SDCCAG8: variants seen among roughly 807,000 people sequenced by gnomAD.
SDCCAG8 encodes the protein serologically defined colon cancer antigen 8.
In SDCCAG8, 74 loss-of-function variants were observed where a neutral mutation model predicts 101.8. That is an observed-to-expected ratio of 0.73 (90% CI 0.60 to 0.88). SDCCAG8 has a LOEUF of 0.88. Ranked by LOEUF, SDCCAG8 falls within the 40% of genes least tolerant of loss-of-function variation. The pLI is 0.00. For synonymous variants in SDCCAG8, 281 were observed against 292.9 expected (o/e 0.96, Z 0.41); for missense variants, 787 against 822.6 (o/e 0.96, Z 0.53).
chr1:243,303,571 G>A (rs1186634422), intron 6 of SDCCAG8, among the ~76,000 whole-genome samples: 1 of 151,898 alleles, frequency 6.6e-6, no homozygotes, highest in Admixed American at 6.6e-5. Flanking sequence ...GCCTTTATGA[G>A]GACCCGCTTC....
chr1:243,334,180 A>G (rs552020688), intron 10 of SDCCAG8, among the ~76,000 whole-genome samples: 90 of 152,144 alleles, frequency 5.9e-4, no homozygotes, highest in African/African-American at 2.0e-3. Context: ...TACTGCTACC[A>G]TATCTCATCC....
At chr1:243,280,170 A>C (rs2068907809) in intron 4 of SDCCAG8, among the ~76,000 whole-genome samples, 2 of 152,146 alleles carry the variant, frequency 1.3e-5, no homozygotes, top group African/African-American at 4.8e-5. Context: ...CATCTAGGTG[A>C]CTAAATTCAT....
In SDCCAG8 at chr1:243,290,039, C is replaced by T. The variant is rs534834158; in HGVS notation, c.547-3052C>T. 9.8e-4 allele frequency among the ~76,000 whole-genome samples: 149 copies of T among 152,054 alleles called. 2 individuals carry two copies. In the South Asian group the frequency reaches 0.019, roughly 20 times the overall value. ...TCATAAAATATTTCCTCATGGAAAG[C>T]TTTTCTCTAGAGTTCACAAAATCAA... On this transcript the variant is annotated intron_variant, in intron 5 of 17. Transcript: ENST00000366541.
chr1:243,387,709 G>T (rs2078397590), intron 13 of SDCCAG8, among the ~76,000 whole-genome samples: 2 of 152,094 alleles, frequency 1.3e-5, no homozygotes, highest in South Asian at 4.2e-4. Context: ...AACTAGTACA[G>T]TTACTTATTT....
chr1:243,256,320 A>G (rs2066672423), intron 1 of SDCCAG8, 80 bp downstream of exon 1: 1 of 1,158,904 alleles, frequency 8.6e-7, no homozygotes, highest in Non-Finnish European at 1.3e-6. Flanking sequence ...TGCGTTTCCT[A>G]ACACCTGGGT....
At chr1:243,278,012 C>G (rs924019456) in intron 4 of SDCCAG8, among the ~76,000 whole-genome samples, 6 of 152,106 alleles carry the variant, frequency 3.9e-5, no homozygotes, top group African/African-American at 7.2e-5. Flanking sequence ...ACTTTAGAAT[C>G]AGTTTGTCGA....
At chr1:243,329,024 T>C (rs1300156473) in intron 9 of SDCCAG8, among the ~76,000 whole-genome samples, 1 of 152,224 alleles carries the variant, frequency 6.6e-6, no homozygotes, top group African/African-American at 2.4e-5. Flanking sequence ...GGGAGAGTTA[T>C]GAACATTTAC....
At chr1:243,463,032 C>G (rs983409740) in intron 16 of SDCCAG8, among the ~76,000 whole-genome samples, 7 of 152,246 alleles carry the variant, frequency 4.6e-5, no homozygotes, top group African/African-American at 1.7e-4. Context: ...CCTGTGACAT[C>G]TGATCCAGGG....
chr1:243,480,695 G>C (rs1663475565), intron 16 of SDCCAG8, among the ~76,000 whole-genome samples: 10 of 132,304 alleles, frequency 7.6e-5, no homozygotes, highest in Non-Finnish European at 1.5e-4. Flanking sequence ...TGGATGGATG[G>C]GTGGGATGGA....
intron 14 of SDCCAG8, 73 bp downstream of exon 14, chr1:243,415,902 AT>A (rs758908286): frequency 1.3e-6 from 2 of 1,570,540 alleles, no homozygotes; most frequent in Non-Finnish European, 8.7e-7. Flanking sequence ...GTGAAATGAC[AT>A]CAGGAACACC....
At chr1:243,298,699 A>G (rs991022584) in intron 6 of SDCCAG8, among the ~76,000 whole-genome samples, 1 of 151,980 alleles carries the variant, frequency 6.6e-6, no homozygotes, top group Non-Finnish European at 1.5e-5. Flanking sequence ...TTCTTTTCCT[A>G]TGTGTTTATA....
At chr1:243,268,049 A>G in intron 1 of SDCCAG8, 1 of 771,378 alleles carries the variant, frequency 1.3e-6, no homozygotes. Context: ...CTTTTCTTTA[A>G]GCCTCTGATC....
intron 8 of SDCCAG8, 72 bp downstream of exon 8, chr1:243,308,249 C>A: frequency 1.4e-6 from 2 of 1,427,508 alleles, no homozygotes; most frequent in Non-Finnish European, 2.0e-6. Context: ...GCATTGTGTT[C>A]TTCTAGCCCT....
At position 243,270,108 on chromosome 1, in the gene SDCCAG8, A is replaced by C; in HGVS notation, c.71A>C (p.His24Pro). ...LGQYQRSLREHASRSIHQLTC... is the reference protein window; with the variant it reads ...LGQYQRSLREPASRSIHQLTC... ...TTTCGTCAGGTTGTTCTTGCAGAAC[A>C]TGCCAGCAGAAGCATTCACCAACTG... The change falls in exon 2 of 18, where the codon CAT becomes CCT. Residue 24 changes from histidine to proline, a missense_variant. Coordinates refer to ENST00000366541, the MANE Select transcript of SDCCAG8 (RefSeq NM_006642.5). 6.2e-7 allele frequency: 1 copy of C among 1,614,214 alleles called. No individual in the cohort carries two copies. Among genetic ancestry groups the C allele is most frequent in the Non-Finnish European group, 8.5e-7 (1 of 1,180,038 alleles).
At chr1:243,315,386 G>A (rs1024753948) in intron 8 of SDCCAG8, among the ~76,000 whole-genome samples, 2 of 151,880 alleles carry the variant, frequency 1.3e-5, no homozygotes, top group Non-Finnish European at 2.9e-5. Context: ...GATTATATTC[G>A]ATTAAAACAA....
chr1:243,482,662 G>A (rs1663981683), intron 16 of SDCCAG8, among the ~76,000 whole-genome samples: 1 of 152,178 alleles, frequency 6.6e-6, no homozygotes, highest in African/African-American at 2.4e-5. Context: ...TCATGGACCC[G>A]CGGACCCTAC....
intron 17 of SDCCAG8, among the ~76,000 whole-genome samples, chr1:243,490,167 TA>T: frequency 6.6e-6 from 1 of 152,362 alleles, no homozygotes; most frequent in South Asian, 2.1e-4. Flanking sequence ...AAGGAACCTG[TA>T]AGTACTGACT....
Position 243,378,775 on chromosome 1 carries a change from G to T in SDCCAG8, c.1528G>T (p.Glu510Ter). 2 of 1,614,050 alleles carry T rather than the reference G, an allele frequency of 1.2e-6. No homozygotes were observed. The highest frequency in any genetic ancestry group is 1.7e-6 in the Non-Finnish European group (2 of 1,179,998). Residue 510 changes from glutamate (E) to a stop codon, truncating the protein, a stop_gained, in exon 13 of 18, where the codon GAG becomes TAG. Transcript: ENST00000366541. LOFTEE classifies it high-confidence loss of function. ...TGAAAGCAAACAACACTTGGAACAG[G>T]AGCAGCAGAAGGCAGCCCTGGCCAG... is the stretch of plus-strand genomic sequence containing the variant. ...LDESKQHLEQ[E>*]QQKAALAREE...
chr1:243,406,292 A>G (rs1416879048), intron 13 of SDCCAG8, among the ~76,000 whole-genome samples: 1 of 152,176 alleles, frequency 6.6e-6, no homozygotes, highest in Non-Finnish European at 1.5e-5. Flanking sequence ...GTATAATAGG[A>G]TACAGTAGTG....
Sources: allele counts gnomAD v4.1 joint callset (sites outside exome capture counted in the v4.1 genomes callset), GRCh38; gene constraint gnomAD v4.1.1; transcripts MANE v1.5; gene names NCBI Gene and HGNC (gene_info 2026-07-23, HGNC 2026-07-21).